The following MYO5B variants were observed in gnomAD, a reference collection of about 807,000 sequenced individuals.
The protein encoded by MYO5B is unconventional myosin-Vb.
A neutral mutation model predicts 229.3 loss-of-function variants in MYO5B; 143 were observed. The ratio of observed to expected loss-of-function variants is 0.62; its 90% CI spans 0.54 to 0.72. The LOEUF is 0.72. Among genes scored for constraint, MYO5B ranks in the 30% least tolerant of loss-of-function variants. MYO5B has a pLI of 0.00. For missense variants in MYO5B, 2,321 were observed against 2,331.0 expected, an observed-to-expected ratio of 1.00 and a Z score of 0.09; for synonymous variants, 918 against 885.2, an observed-to-expected ratio of 1.04 and a Z score of -0.66.
At chr18:50,092,527 G>GA (rs1568103467) in intron 1 of MYO5B, among the ~76,000 whole-genome samples, 1 of 150,988 alleles carries the variant, frequency 6.6e-6, no homozygotes, top group African/African-American at 2.4e-5. Context: ...TTTGTTTTTT[G>GA]TTTTTTTTTA....
chr18:49,841,097 A>G (rs2024050944), intron 35 of MYO5B, among the ~76,000 whole-genome samples: 1 of 152,190 alleles, frequency 6.6e-6, no homozygotes, highest in Non-Finnish European at 1.5e-5. Context: ...CAGGGCCTCT[A>G]TTGATCATGG....
chr18:50,039,254 T>G (rs1318675830), intron 3 of MYO5B, among the ~76,000 whole-genome samples: 2 of 152,204 alleles, frequency 1.3e-5, no homozygotes, highest in Non-Finnish European at 2.9e-5. Flanking sequence ...GCTTTGCCAC[T>G]TAGCAATACT....
chr18:50,041,198 G>A (rs2030005504), intron 2 of MYO5B, among the ~76,000 whole-genome samples: 1 of 152,116 alleles, frequency 6.6e-6, no homozygotes, highest in Admixed American at 6.5e-5. Context: ...GGAATTCTGA[G>A]GCAGGATTCA....
intron 1 of MYO5B, among the ~76,000 whole-genome samples, chr18:50,080,187 G>T (rs2144467856): frequency 6.6e-6 from 1 of 152,218 alleles, no homozygotes; most frequent in Non-Finnish European, 1.5e-5. Flanking sequence ...ACGAGAGAAG[G>T]AACTATGAGT....
At chr18:50,080,397 C>T (rs1481917476) in intron 1 of MYO5B, among the ~76,000 whole-genome samples, 2 of 152,120 alleles carry the variant, frequency 1.3e-5, no homozygotes, top group Non-Finnish European at 2.9e-5. Context: ...AATCTACAGG[C>T]GAGCCTCTCC....
chr18:50,123,153 CA>C (rs1423815927), intron 1 of MYO5B, among the ~76,000 whole-genome samples: 1 of 152,082 alleles, frequency 6.6e-6, no homozygotes, highest in Admixed American at 6.5e-5. Flanking sequence ...AGGTGAACCT[CA>C]AAAATATGCT....
At chr18:50,152,517 T>C (rs1265217995) in intron 1 of MYO5B, among the ~76,000 whole-genome samples, 1 of 152,212 alleles carries the variant, frequency 6.6e-6, no homozygotes, top group African/African-American at 2.4e-5. Context: ...CCTCTGAGAA[T>C]GGGTACCAGA....
intron 22 of MYO5B, among the ~76,000 whole-genome samples, chr18:49,891,889 T>C (rs1787557): frequency 0.58 from 88,897 of 152,162 alleles, 26,088 homozygotes; most frequent in Middle Eastern, 0.67. Flanking sequence ...AGTCCGAATG[T>C]TCAGTGCCTG....
In MYO5B at chr18:49,953,952, CAT is replaced by C. The variant is rs1491299117; in HGVS notation, c.1668+359_1668+360del. Among the ~76,000 whole-genome samples the C allele has an allele frequency of 1.2e-4, 14 of 116,028 alleles. 1 individual carries two copies. The highest frequency in any genetic ancestry group is 3.1e-4 in the South Asian group (1 of 3,254). The allele number at this position is 116,028 out of a possible 152,430, so 76.1% of individuals were successfully genotyped here. Reference sequence around the variant, plus strand: ...TGTGTGTAGACTATATATATACAGACATGTGTGTGTGTGTATGTGTGTGTGTA... The same window carrying C: ...TGTGTGTAGACTATATATATACAGACGTGTGTGTGTGTATGTGTGTGTGTA... On this transcript the variant is annotated intron_variant, in intron 13 of 39. Coordinates refer to ENST00000285039, the MANE Select transcript of MYO5B (RefSeq NM_001080467.3).
At chr18:50,151,740 G>C (rs1187308721) in intron 1 of MYO5B, among the ~76,000 whole-genome samples, 1 of 152,058 alleles carries the variant, frequency 6.6e-6, no homozygotes, top group African/African-American at 2.4e-5. Context: ...TATTGTATCA[G>C]AGAATTCTGT....
intron 1 of MYO5B, among the ~76,000 whole-genome samples, chr18:50,061,173 C>A (rs2030677688): frequency 1.3e-5 from 2 of 152,206 alleles, no homozygotes; most frequent in South Asian, 4.1e-4. Context: ...AGTGTGCGGG[C>A]TCTAGAGTCA....
intron 10 of MYO5B, among the ~76,000 whole-genome samples, chr18:49,966,986 T>C (rs959084760): frequency 6.6e-6 from 1 of 152,156 alleles, no homozygotes; most frequent in Non-Finnish European, 1.5e-5. Context: ...ATAAACACAA[T>C]GAATCAATTT....
At chr18:49,901,365 T>C (rs2024839695) in intron 21 of MYO5B, among the ~76,000 whole-genome samples, 1 of 152,146 alleles carries the variant, frequency 6.6e-6, no homozygotes, top group Non-Finnish European at 1.5e-5. Flanking sequence ...CAAAGCTGAG[T>C]GTTCTGTGCT....
chr18:49,998,016 T>C (rs1893982), intron 5 of MYO5B, among the ~76,000 whole-genome samples: 10 of 152,210 alleles, frequency 6.6e-5, no homozygotes, highest in Non-Finnish European at 1.2e-4. Flanking sequence ...CTGGGCTTCC[T>C]GATACAAGGT....
chr18:50,099,548 G>A (rs897900167), intron 1 of MYO5B, among the ~76,000 whole-genome samples: 14 of 152,126 alleles, frequency 9.2e-5, no homozygotes, highest in Admixed American at 7.9e-4. Context: ...TAAGTAAAAC[G>A]TAGTTGATTC....
chr18:49,876,300 C>G (rs1187445036), intron 25 of MYO5B: 1 of 274,328 alleles, frequency 3.6e-6, no homozygotes, highest in Non-Finnish European at 7.0e-6. Flanking sequence ...AATGCTTGCT[C>G]TGCCCCGGAA....
At chr18:50,141,227 G>A (rs1020383901) in intron 1 of MYO5B, among the ~76,000 whole-genome samples, 1 of 152,172 alleles carries the variant, frequency 6.6e-6, no homozygotes, top group Non-Finnish European at 1.5e-5. Context: ...TCACTGCCAT[G>A]GCAACACCCA....
At chr18:50,073,205 T>G (rs1160811352) in intron 1 of MYO5B, among the ~76,000 whole-genome samples, 1 of 152,226 alleles carries the variant, frequency 6.6e-6, no homozygotes, top group Non-Finnish European at 1.5e-5. Context: ...GCTGGGACCT[T>G]GTCAAGGGTC....
intron 1 of MYO5B, among the ~76,000 whole-genome samples, chr18:50,085,551 C>A (rs1270524421): frequency 6.6e-6 from 1 of 152,008 alleles, no homozygotes; most frequent in East Asian, 1.9e-4. Flanking sequence ...TTGACCCAGC[C>A]ATCCCATTAC....
Sources: allele counts gnomAD v4.1 joint callset (sites outside exome capture counted in the v4.1 genomes callset), GRCh38; gene constraint gnomAD v4.1.1; transcripts MANE v1.5; gene names NCBI Gene and HGNC (gene_info 2026-07-23, HGNC 2026-07-21).